The following VNN1 variants were observed in gnomAD, a reference collection of about 807,000 sequenced individuals.
VNN1 encodes vanin 1, also known as pantetheinase.
In VNN1, 29 loss-of-function variants were observed where a neutral mutation model predicts 41.9. That is an observed-to-expected ratio of 0.69 (90% CI 0.52 to 0.94). VNN1 has a LOEUF of 0.94. Ranked by LOEUF, VNN1 falls within the 40% of genes least tolerant of loss-of-function variation. VNN1 has a pLI of 0.00. For synonymous variants in VNN1, 233 were observed against 224.4 expected (o/e 1.04, Z -0.34); for missense variants, 637 against 621.1 (o/e 1.03, Z -0.27).
intron 3 of VNN1, 141 bp downstream of exon 3, chr6:132,693,849 C>A: frequency 1.0e-6 from 1 of 999,886 alleles, no homozygotes. Flanking sequence ...AGGAGCTTTC[C>A]ACGCTTTATC....
intron 2 of VNN1, chr6:132,698,924 G>T: frequency 1.0e-5 from 2 of 193,046 alleles, no homozygotes; most frequent in South Asian, 2.3e-4. Context: ...GCCTCAGAAT[G>T]ACTGCAAGGC....
intron 2 of VNN1, among the ~76,000 whole-genome samples, chr6:132,703,468 A>G (rs1265380855): frequency 6.6e-6 from 1 of 152,210 alleles, no homozygotes; most frequent in Non-Finnish European, 1.5e-5. Context: ...AGTTTATACA[A>G]TCAATGTTAA....
chr6:132,690,629 T>C (rs1778268844), intron 5 of VNN1, among the ~76,000 whole-genome samples: 2 of 152,252 alleles, frequency 1.3e-5, no homozygotes, highest in South Asian at 4.1e-4. Context: ...AAAGACTGAA[T>C]TCTTCAAGAG....
At chr6:132,688,379 A>G (rs1778234885) in intron 5 of VNN1, among the ~76,000 whole-genome samples, 1 of 152,212 alleles carries the variant, frequency 6.6e-6, no homozygotes, top group Non-Finnish European at 1.5e-5. Flanking sequence ...AGATTCCAAA[A>G]CATATCTGGT....
chr6:132,695,741 G>T (rs529683931), intron 2 of VNN1, among the ~76,000 whole-genome samples: 3 of 151,970 alleles, frequency 2.0e-5, no homozygotes, highest in East Asian at 1.9e-4. Context: ...TTAGAAAGTC[G>T]CCATACATGC....
chr6:132,692,929 G>GTA, intron 4 of VNN1, 95 bp downstream of exon 4: 1 of 1,335,078 alleles, frequency 7.5e-7, no homozygotes, highest in Non-Finnish European at 1.0e-6. Flanking sequence ...GGAAAACATT[G>GTA]TATTAAGGAG....
At chr6:132,687,624 C>T (rs754912453) in intron 5 of VNN1, among the ~76,000 whole-genome samples, 1 of 152,084 alleles carries the variant, frequency 6.6e-6, no homozygotes, top group East Asian at 1.9e-4. Context: ...GAACCTAAAA[C>T]AAGGAAATAG....
chr6:132,690,581 T>C (rs889687243), intron 5 of VNN1, among the ~76,000 whole-genome samples: 4 of 152,242 alleles, frequency 2.6e-5, no homozygotes, highest in Admixed American at 2.6e-4. Flanking sequence ...TGCCAACCTA[T>C]GCTGAAATTA....
intron 5 of VNN1, among the ~76,000 whole-genome samples, chr6:132,686,274 C>G (rs1224185513): frequency 6.6e-6 from 1 of 152,024 alleles, no homozygotes; most frequent in Non-Finnish European, 1.5e-5. Context: ...TGGGGAAACC[C>G]CATCTGTACC....
rs11966143 is a variant in VNN1, at chr6:132,713,443, C to T, written c.210+383G>A. Among the ~76,000 whole-genome samples the T allele has an allele frequency of 6.6e-3, 1,005 of 152,228 alleles. 7 individuals carry two copies. Among genetic ancestry groups the T allele is most frequent in the Middle Eastern group, 0.014 (4 of 294 alleles). ...GATTATAAATTTATTCGAAAACCTG[C>T]AAAGCCTTAATAGCACATGAGTACA... On this transcript the variant is annotated intron_variant, in intron 1 of 6. Transcript: ENST00000367928.
At chr6:132,712,381 C>T (rs185244728) in intron 1 of VNN1, among the ~76,000 whole-genome samples, 9 of 152,226 alleles carry the variant, frequency 5.9e-5, no homozygotes, top group African/African-American at 2.2e-4. Flanking sequence ...AACTCCCAAC[C>T]TCAGGTGATC....
chr6:132,704,727 A>G (rs1778494374), intron 2 of VNN1, among the ~76,000 whole-genome samples: 1 of 151,678 alleles, frequency 6.6e-6, no homozygotes, highest in Non-Finnish European at 1.5e-5. Context: ...AATAAATGAA[A>G]TTGAAATAAA....
In VNN1 at chr6:132,695,494, C is replaced by T. The variant is rs781665273; in HGVS notation, c.342-1312G>A. 5.8e-4 allele frequency among the ~76,000 whole-genome samples: 89 copies of T among 152,198 alleles called. 1 individual carries two copies. Among genetic ancestry groups the T allele is most frequent in the Middle Eastern group, 3.4e-3 (1 of 294 alleles). On this transcript the variant is annotated intron_variant, in intron 2 of 6. Coordinates refer to ENST00000367928, the MANE Select transcript of VNN1 (RefSeq NM_004666.3). The stretch of plus-strand genomic sequence containing the variant: ...ATAATGACCTTGTCTTTCAAATATA[C>T]GAGATCTGCATTCTGATCACTAATT...
Position 132,684,396 on chromosome 6 carries a change from G to A in VNN1, c.1298C>T (p.Thr433Ile), listed in dbSNP as rs1455321760. 1 of 1,613,868 alleles carries A rather than the reference G, an allele frequency of 6.2e-7. No homozygotes were observed. Among genetic ancestry groups the A allele is most frequent in the African/African-American group, 1.3e-5 (1 of 74,900 alleles). Residue 433 changes from threonine to isoleucine, a missense_variant, in exon 6 of 7, where the codon ACC becomes ATC. Physicochemically the swap from Thr to Ile is moderately conservative, Grantham distance 89. Coordinates refer to ENST00000367928, the MANE Select transcript of VNN1 (RefSeq NM_004666.3). ...CAACACCTCAGGAAAGACATACTGG[G>A]TTCCGAAAGTGCCACTGAGGGAGAA... ...EMFSLSGTFG[T>I]QYVFPEVLLS...
chr6:132,703,365 C>CGTAGACAT (rs146101841), intron 2 of VNN1, among the ~76,000 whole-genome samples: 1 of 151,746 alleles, frequency 6.6e-6, no homozygotes, highest in Non-Finnish European at 1.5e-5. Context: ...AAGACATAGA[C>CGTAGACAT]AGTATAAGAT....
chr6:132,710,809 TGTGAACA>T (rs1317448504), intron 2 of VNN1, among the ~76,000 whole-genome samples: 2 of 152,256 alleles, frequency 1.3e-5, no homozygotes, highest in African/African-American at 4.8e-5. Context: ...TCTTTGCTAT[TGTGAACA>T]GTGCTGCAAT....
chr6:132,700,449 C>G (rs1778435384), intron 2 of VNN1, among the ~76,000 whole-genome samples: 1 of 152,216 alleles, frequency 6.6e-6, no homozygotes, highest in South Asian at 2.1e-4. Flanking sequence ...ACCACTACCC[C>G]TGGCCTGTGG....
In VNN1 at chr6:132,684,435, G is replaced by A. The variant is rs1435031415; in HGVS notation, c.1259C>T (p.Thr420Ile). Residue 420 changes from threonine to isoleucine, a missense_variant, in exon 6 of 7, where the codon ACC (threonine) becomes ATC (isoleucine). Thr to Ile is a moderately conservative substitution (Grantham distance 89, BLOSUM62 -1). Transcript: ENST00000367928. Reference sequence around the variant, plus strand: ...ACTGAGGGAGAACATTTCAAACCTGGTAGAAGCTGTTTCAGCTGAGTCACC... The same window carrying A: ...ACTGAGGGAGAACATTTCAAACCTGATAGAAGCTGTTTCAGCTGAGTCACC... ...TCGDSAETAS[T>I]RFEMFSLSGT... 5.6e-6 allele frequency: 9 copies of A among 1,613,880 alleles called. No individual in the cohort carries two copies. Among genetic ancestry groups the A allele is most frequent in the Non-Finnish European group, 7.6e-6 (9 of 1,179,934 alleles).
rs756227502 is a variant in VNN1, at chr6:132,694,146, G to A, written c.378C>T (p.Cys126=). The A allele has an allele frequency of 1.6e-5, 26 of 1,612,474 alleles. No individual in the cohort carries two copies. Among genetic ancestry groups the A allele is most frequent in the Non-Finnish European group, 2.2e-5 (26 of 1,179,312 alleles). Residue 126 remains cysteine, a synonymous_variant, in exon 3 of 7, where the codon TGC becomes TGT. Transcript: ENST00000367928. ...CATAGATAGAGTTGTTCTTGGCCAG[G>A]CAGCTGAGTCTTTCTTGTACTGGGG... is the stretch of plus-strand genomic sequence containing the variant. ...GQTPVQERLS[C]LAKNNSIYVV... is the part of the protein sequence containing the mutation.
Sources: allele counts gnomAD v4.1 joint callset (sites outside exome capture counted in the v4.1 genomes callset), GRCh38; gene constraint gnomAD v4.1.1; transcripts MANE v1.5; gene names NCBI Gene and HGNC (gene_info 2026-07-23, HGNC 2026-07-21).